ROBO1: variants seen among roughly 807,000 people sequenced by gnomAD.
ROBO1 encodes roundabout homolog 1.
Under a neutral mutation model 195.9 loss-of-function variants are expected in ROBO1, and 149 were observed. The ratio of observed to expected loss-of-function variants is 0.76; its 90% CI spans 0.67 to 0.87. The LOEUF is 0.87. Among genes scored for constraint, ROBO1 ranks in the 40% least tolerant of loss-of-function variants. The pLI is 0.00. For missense variants in ROBO1, 1,933 were observed against 2,068.3 expected, an observed-to-expected ratio of 0.93 and a Z score of 1.27; for synonymous variants, 816 against 733.2, an observed-to-expected ratio of 1.11 and a Z score of -1.82.
intron 1 of ROBO1, among the ~76,000 whole-genome samples, chr3:79,766,610 G>A (rs1448357174): frequency 6.6e-6 from 1 of 151,978 alleles, no homozygotes; most frequent in Non-Finnish European, 1.5e-5. Context: ...CTGCAGCAGT[G>A]GGGTTGCCAC....
intron 4 of ROBO1, among the ~76,000 whole-genome samples, chr3:78,823,334 C>T (rs2031219578): frequency 6.6e-6 from 1 of 151,856 alleles, no homozygotes; most frequent in South Asian, 2.1e-4. Context: ...TTAAGGATTT[C>T]TCATTGGACA....
At chr3:79,204,048 A>T (rs187594109) in intron 2 of ROBO1, among the ~76,000 whole-genome samples, 1 of 152,098 alleles carries the variant, frequency 6.6e-6, no homozygotes, top group Middle Eastern at 3.2e-3. Flanking sequence ...TATTTTTCCT[A>T]TTCTTTTTCA....
intron 1 of ROBO1, among the ~76,000 whole-genome samples, chr3:79,652,298 C>T (rs1459271628): frequency 2.0e-5 from 3 of 151,766 alleles, no homozygotes. Flanking sequence ...TCTTGTCTCT[C>T]TTTTCTAAAA....
intron 26 of ROBO1, among the ~76,000 whole-genome samples, chr3:78,623,717 C>T (rs547141290): frequency 9.9e-5 from 15 of 152,124 alleles, no homozygotes; most frequent in Admixed American, 2.6e-4. Context: ...TGAGAGAAAA[C>T]GGCTGTCGGA....
intron 1 of ROBO1, among the ~76,000 whole-genome samples, chr3:79,710,788 G>A (rs1248197709): frequency 6.6e-6 from 1 of 152,086 alleles, no homozygotes; most frequent in Non-Finnish European, 1.5e-5. Flanking sequence ...ATCAGACAGT[G>A]GATATTTGGT....
chr3:79,319,168 C>T (rs1218371359), intron 2 of ROBO1, among the ~76,000 whole-genome samples: 2 of 152,072 alleles, frequency 1.3e-5, no homozygotes, highest in Non-Finnish European at 2.9e-5. Flanking sequence ...TCTTTGAAAA[C>T]CAGTGTGTAT....
At chr3:78,921,850 G>T (rs1022294069) in intron 4 of ROBO1, among the ~76,000 whole-genome samples, 1 of 150,802 alleles carries the variant, frequency 6.6e-6, no homozygotes, top group South Asian at 2.1e-4. Context: ...GCAGTGGCAC[G>T]ATCTCAGTTC....
intron 4 of ROBO1, among the ~76,000 whole-genome samples, chr3:78,905,558 G>A (rs2037853547): frequency 6.6e-6 from 1 of 152,090 alleles, no homozygotes; most frequent in South Asian, 2.1e-4. Flanking sequence ...GATGGAGGCT[G>A]CAGTGAGCTG....
At chr3:79,502,273 G>A (rs1940118513) in intron 2 of ROBO1, among the ~76,000 whole-genome samples, 1 of 152,142 alleles carries the variant, frequency 6.6e-6, no homozygotes, top group African/African-American at 2.4e-5. Context: ...GCGCGGGCGG[G>A]AACCGGGGCT....
intron 3 of ROBO1, among the ~76,000 whole-genome samples, chr3:79,091,582 A>AG (rs11456126): frequency 1 from 151,837 of 152,206 alleles, 75,737 homozygotes; most frequent in Non-Finnish European, 1. Flanking sequence ...GAATTTTAAT[A>AG]GGGAGACAGA....
chr3:79,641,155 A>C, intron 1 of ROBO1, among the ~76,000 whole-genome samples: 1 of 152,172 alleles, frequency 6.6e-6, no homozygotes, highest in Admixed American at 6.5e-5. Flanking sequence ...TAATTTCCTC[A>C]AACTTTCTAC....
intron 1 of ROBO1, among the ~76,000 whole-genome samples, chr3:79,627,011 A>G (rs1026285147): frequency 6.6e-6 from 1 of 152,192 alleles, no homozygotes; most frequent in South Asian, 2.1e-4. Flanking sequence ...GATGACCTAA[A>G]CAGAAAAACA....
At chr3:79,043,406 C>A (rs1316441825) in intron 3 of ROBO1, among the ~76,000 whole-genome samples, 1 of 151,888 alleles carries the variant, frequency 6.6e-6, no homozygotes, top group Non-Finnish European at 1.5e-5. Context: ...GGAAAATGAT[C>A]CATCTGTTTA....
chr3:79,293,461 T>C (rs529076906), intron 2 of ROBO1, among the ~76,000 whole-genome samples: 86 of 152,324 alleles, frequency 5.6e-4, no homozygotes, highest in South Asian at 1.0e-3. Flanking sequence ...GTTCTTTTAA[T>C]TGTGATTTAA....
intron 1 of ROBO1, among the ~76,000 whole-genome samples, chr3:79,612,748 T>A (rs1027103848): frequency 1.7e-5 from 2 of 120,628 alleles, no homozygotes; most frequent in East Asian, 4.5e-4. Flanking sequence ...GGTATCTCAT[T>A]GTGGTTTTGA....
intron 1 of ROBO1, among the ~76,000 whole-genome samples, chr3:79,647,331 G>T (rs1226899930): frequency 1.3e-5 from 2 of 152,074 alleles, no homozygotes; most frequent in Non-Finnish European, 2.9e-5. Context: ...ATTAGATAGT[G>T]TATAAGTAGG....
At chr3:79,751,440 A>G (rs901917501) in intron 1 of ROBO1, among the ~76,000 whole-genome samples, 1 of 152,176 alleles carries the variant, frequency 6.6e-6, no homozygotes, top group Non-Finnish European at 1.5e-5. Flanking sequence ...AAAATTCAAT[A>G]TATCCTCATC....
rs529972432 is a variant in ROBO1 at position 78,752,057 on chromosome 3, G to A, written c.500-5157C>T. On this transcript the variant is annotated intron_variant, in intron 4 of 30. Transcript: ENST00000464233. ...CCCTTAAAAACTAAGGTGTATTGGA[G>A]GAGAAAATAAAGACGAGGTAAATAA... 7.2e-5 allele frequency among the ~76,000 whole-genome samples: 11 copies of A among 152,098 alleles called. No individual in the cohort carries two copies. In the South Asian group the frequency reaches 2.1e-3, roughly 29 times the overall value.
chr3:79,587,064 T>G (rs1943852809), intron 2 of ROBO1, among the ~76,000 whole-genome samples: 2 of 151,918 alleles, frequency 1.3e-5, no homozygotes, highest in African/African-American at 2.4e-5. Context: ...CTTAATTATT[T>G]CTTTTCTCTA....
Sources: gnomAD v4.1 joint callset for allele counts (sites outside exome capture counted in the v4.1 genomes callset) on GRCh38, gnomAD v4.1.1 for gene constraint, MANE v1.5 for transcripts, NCBI Gene and HGNC (gene_info 2026-07-23, HGNC 2026-07-21) for gene names.